Variants in STPG2 observed in about 807,000 individuals in gnomAD.
The protein encoded by STPG2 is sperm-tail PG-rich repeat-containing protein 2.
A neutral mutation model predicts 54.2 loss-of-function variants in STPG2; 56 were observed. That is an observed-to-expected ratio of 1.03 (90% CI 0.83 to 1.29). The LOEUF is 1.29. Among genes scored for constraint, STPG2 ranks in the 50% most tolerant of loss-of-function variants. The probability of loss-of-function intolerance (pLI) is 0.00; values close to 1 mark genes in which losing one functional copy is unlikely to be tolerated. For synonymous variants in STPG2, 200 were observed against 181.8 expected (o/e 1.10, Z -0.81); for missense variants, 596 against 544.9 (o/e 1.09, Z -0.93).
At chr4:97,850,550 T>A (rs1364654856) in intron 8 of STPG2, among the ~76,000 whole-genome samples, 1 of 151,912 alleles carries the variant, frequency 6.6e-6, no homozygotes, top group African/African-American at 2.4e-5. Context: ...CTAGACTTTA[T>A]AATGATCTGT....
intron 8 of STPG2, among the ~76,000 whole-genome samples, chr4:97,856,188 C>T (rs1729331169): frequency 6.6e-6 from 1 of 152,042 alleles, no homozygotes; most frequent in Admixed American, 6.6e-5. Context: ...AAATAGTTTT[C>T]TCTAATTCTG....
At chr4:97,936,543 T>A (rs2149224048) in intron 8 of STPG2, among the ~76,000 whole-genome samples, 1 of 152,302 alleles carries the variant, frequency 6.6e-6, no homozygotes, top group South Asian at 2.1e-4. Flanking sequence ...ATTCAGTGCT[T>A]CCTTCAGGAG....
At chr4:97,737,794 A>G (rs1435927215) in intron 9 of STPG2, among the ~76,000 whole-genome samples, 1 of 152,238 alleles carries the variant, frequency 6.6e-6, no homozygotes, top group Non-Finnish European at 1.5e-5. Flanking sequence ...TCTTCAGGAT[A>G]TTATCCAGGA....
intron 8 of STPG2, 122 bp downstream of exon 8, chr4:97,943,775 G>C: frequency 3.1e-6 from 2 of 638,628 alleles, no homozygotes; most frequent in Non-Finnish European, 5.2e-6. Context: ...TATCGGTCTA[G>C]CCAAGGAGGT....
At chr4:98,139,040 A>G (rs1267175714) in intron 1 of STPG2, among the ~76,000 whole-genome samples, 4 of 152,154 alleles carry the variant, frequency 2.6e-5, no homozygotes, top group Admixed American at 2.6e-4. Context: ...ATTTACTTTA[A>G]TAAGAGATGT....
chr4:97,544,536 C>T (rs143366874), intron 4 of STPG2, among the ~76,000 whole-genome samples: 241 of 151,962 alleles, frequency 1.6e-3, no homozygotes, highest in African/African-American at 5.7e-3. Context: ...ATATAAATAG[C>T]CTTCAGCAAT....
chr4:97,696,476 C>T (rs560074573), intron 10 of STPG2, among the ~76,000 whole-genome samples: 5 of 152,238 alleles, frequency 3.3e-5, no homozygotes, highest in South Asian at 2.1e-4. Flanking sequence ...CAAGACTTCA[C>T]GACTAAGAAC....
chr4:97,784,174 A>T (rs1726749758), intron 9 of STPG2, among the ~76,000 whole-genome samples: 2 of 152,046 alleles, frequency 1.3e-5, no homozygotes, highest in African/African-American at 4.8e-5. Context: ...AGAATCTATC[A>T]ATCAGCCAAA....
chr4:97,564,719 C>G lies in STPG2; in HGVS notation c.1321-5602G>C, dbSNP rs1452546778. On this transcript the variant is annotated intron_variant, in intron 10 of 10. Coordinates refer to ENST00000295268, the MANE Select transcript of STPG2 (RefSeq NM_174952.3). The stretch of plus-strand genomic sequence containing the variant: ...GCTTAGTTTGGCTTGATATGAAATT[C>G]TGGGTTGAAAATTCTTTTCTTTAAG... Among the ~76,000 whole-genome samples the G allele has an allele frequency of 3.9e-5, 6 of 152,200 alleles. No individual in the cohort carries two copies. In the East Asian group the frequency reaches 9.7e-4, roughly 25 times the overall value.
intron 10 of STPG2, among the ~76,000 whole-genome samples, chr4:97,708,642 C>T (rs1432799172): frequency 6.6e-6 from 1 of 151,802 alleles, no homozygotes; most frequent in Non-Finnish European, 1.5e-5. Context: ...TCTTGCTATA[C>T]TCCCAATAAA....
intron 8 of STPG2, among the ~76,000 whole-genome samples, chr4:97,900,142 A>G (rs780056718): frequency 6.6e-6 from 1 of 152,124 alleles, no homozygotes; most frequent in Non-Finnish European, 1.5e-5. Context: ...AAGAAGACAT[A>G]CATGCAGCCA....
intron 5 of STPG2, among the ~76,000 whole-genome samples, chr4:98,044,238 T>C (rs1405766): frequency 0.39 from 59,903 of 151,996 alleles, 12,031 homozygotes; most frequent in Middle Eastern, 0.46. Context: ...AGTAATATAC[T>C]ACTTTCTTTT....
intron 5 of STPG2, among the ~76,000 whole-genome samples, chr4:98,016,821 A>T (rs946235041): frequency 2.0e-5 from 3 of 151,698 alleles, no homozygotes; most frequent in African/African-American, 7.3e-5. Flanking sequence ...CTTTTTCCTG[A>T]TTTTTCATAA....
At position 97,959,765 on chromosome 4, in the gene STPG2, C is replaced by T. The variant is rs555855955; in HGVS notation, c.933+12515G>A. Reference sequence around the variant, plus strand: ...GGATTCAAAGCTGAATTCTACCAGACATTCAAAGAAGAATTGGTACCAATC... The same window carrying T: ...GGATTCAAAGCTGAATTCTACCAGATATTCAAAGAAGAATTGGTACCAATC... On this transcript the variant is annotated intron_variant, in intron 7 of 10. Coordinates refer to ENST00000295268, the MANE Select transcript of STPG2 (RefSeq NM_174952.3). 5.3e-5 allele frequency among the ~76,000 whole-genome samples: 8 copies of T among 151,810 alleles called. No homozygotes were observed. The East Asian group carries it at 1.2e-3, about 22-fold the overall frequency.
intron 8 of STPG2, among the ~76,000 whole-genome samples, chr4:97,932,002 T>C (rs1732565719): frequency 6.6e-6 from 1 of 152,186 alleles, no homozygotes; most frequent in South Asian, 2.1e-4. Context: ...AATTTACCCA[T>C]CTCTTCTAGG....
rs1729378424 is a variant in STPG2 at position 97,451,926 on chromosome 4, C to A, written c.462+260773G>T. Reference sequence around the variant, plus strand: ...AGCTGCTCCAGACAGCCTGTGGCTGCCATCAGGTATGCTGCACCAGGGAGG... The same window carrying A: ...AGCTGCTCCAGACAGCCTGTGGCTGACATCAGGTATGCTGCACCAGGGAGG... On this transcript the variant is annotated intron_variant, in intron 4 of 4. Coordinates refer to the STPG2 transcript ENST00000522676. Among the ~76,000 whole-genome samples, 3 of 151,974 alleles carry A rather than the reference C, an allele frequency of 2.0e-5. No individual in the cohort carries two copies. In the South Asian group the frequency reaches 6.2e-4, roughly 31 times the overall value.
chr4:97,727,706 G>T (rs1055673293), intron 9 of STPG2, among the ~76,000 whole-genome samples: 10 of 142,148 alleles, frequency 7.0e-5, no homozygotes, highest in Non-Finnish European at 1.4e-4. Context: ...TTTCCAACAC[G>T]TATGATCATG....
intron 10 of STPG2, among the ~76,000 whole-genome samples, chr4:97,697,073 C>T (rs1355497759): frequency 2.6e-5 from 4 of 152,194 alleles, no homozygotes; most frequent in Non-Finnish European, 5.9e-5. Context: ...ACCTCTCTGT[C>T]TGCATGCCAC....
At chr4:97,642,108 T>C (rs1300774059) in intron 10 of STPG2, among the ~76,000 whole-genome samples, 1 of 151,424 alleles carries the variant, frequency 6.6e-6, no homozygotes, top group South Asian at 2.1e-4. Flanking sequence ...ACTTTTACTA[T>C]GCAACATAAA....
Sources: gnomAD v4.1 joint callset for allele counts (sites outside exome capture counted in the v4.1 genomes callset) on GRCh38, gnomAD v4.1.1 for gene constraint, MANE v1.5 for transcripts, NCBI Gene and HGNC (gene_info 2026-07-23, HGNC 2026-07-21) for gene names.